The following ELMO1 variants were observed in gnomAD, a reference collection of about 807,000 sequenced individuals.
The protein encoded by ELMO1 is engulfment and cell motility protein 1.
ELMO1 carries 26 observed loss-of-function variants against 98.9 expected under a neutral mutation model. The ratio of observed to expected loss-of-function variants is 0.26; its 90% confidence interval spans 0.19 to 0.36. The LOEUF (loss-of-function observed/expected upper bound fraction) is 0.36. Ranked by LOEUF, ELMO1 falls within the 10% of genes least tolerant of loss-of-function variation. The pLI is 1.00. For missense variants in ELMO1, 627 were observed against 935.2 expected (o/e 0.67, Z 4.30); for synonymous variants, 346 against 346.0 (o/e 1.00, Z 0.00).
intron 7 of ELMO1, among the ~76,000 whole-genome samples, chr7:37,233,973 C>A (rs1794321410): frequency 6.6e-6 from 1 of 152,330 alleles, no homozygotes; most frequent in Non-Finnish European, 1.5e-5. Context: ...TGGGCAAATG[C>A]AGTTCCACCT....
intron 16 of ELMO1, among the ~76,000 whole-genome samples, chr7:36,925,820 C>T (rs1411380120): frequency 6.6e-6 from 1 of 152,202 alleles, no homozygotes; most frequent in African/African-American, 2.4e-5. Context: ...GTGAGGGCTG[C>T]CAGGCTGCAG....
chr7:37,407,840 A>AT (rs1450543200), intron 1 of ELMO1, among the ~76,000 whole-genome samples: 2 of 152,218 alleles, frequency 1.3e-5, no homozygotes, highest in Non-Finnish European at 2.9e-5. Flanking sequence ...ATAATAATGT[A>AT]TCAATATTGG....
At chr7:37,221,366 C>T (rs991243937) in intron 10 of ELMO1, among the ~76,000 whole-genome samples, 2 of 152,184 alleles carry the variant, frequency 1.3e-5, no homozygotes, top group African/African-American at 4.8e-5. Flanking sequence ...GTAGCAGGTT[C>T]GCTTTCTAAT....
intron 3 of ELMO1, among the ~76,000 whole-genome samples, chr7:37,315,196 T>TA (rs1799090386): frequency 6.6e-6 from 1 of 152,188 alleles, no homozygotes; most frequent in African/African-American, 2.4e-5. Flanking sequence ...GAGATTTAAA[T>TA]ACAAATCTTT....
chr7:37,218,980 T>C (rs1793445831), intron 10 of ELMO1, among the ~76,000 whole-genome samples: 1 of 152,242 alleles, frequency 6.6e-6, no homozygotes, highest in African/African-American at 2.4e-5. Context: ...CACCAACATA[T>C]TTGCCATTGA....
chr7:36,869,146 G>A (rs1467589983), intron 20 of ELMO1, among the ~76,000 whole-genome samples: 1 of 152,232 alleles, frequency 6.6e-6, no homozygotes, highest in Non-Finnish European at 1.5e-5. Context: ...TTGGTGCTGT[G>A]TAACAGATAG....
At chr7:37,101,348 G>C (rs1232556242) in intron 14 of ELMO1, among the ~76,000 whole-genome samples, 4 of 152,180 alleles carry the variant, frequency 2.6e-5, no homozygotes, top group Non-Finnish European at 5.9e-5. Flanking sequence ...AACTAAGTGA[G>C]TTACAGAGAA....
intron 4 of ELMO1, among the ~76,000 whole-genome samples, chr7:37,293,843 C>A (rs949119071): frequency 1.4e-5 from 2 of 146,548 alleles, no homozygotes; most frequent in South Asian, 2.1e-4. Context: ...CTGGGTTTCA[C>A]AATATAATTT....
chr7:36,957,302 C>T (rs1788540197), intron 16 of ELMO1, among the ~76,000 whole-genome samples: 3 of 132,388 alleles, frequency 2.3e-5, no homozygotes, highest in Admixed American at 2.1e-4. Context: ...GCTCTGCAGC[C>T]CCTACTGGAC....
At chr7:36,877,301 C>T (rs940812429) in intron 19 of ELMO1, among the ~76,000 whole-genome samples, 2 of 152,150 alleles carry the variant, frequency 1.3e-5, no homozygotes, top group African/African-American at 4.8e-5. Context: ...CTCATTTCTC[C>T]TCCAAATTAA....
At chr7:37,253,124 T>C (rs1451097569) in intron 6 of ELMO1, among the ~76,000 whole-genome samples, 3 of 152,318 alleles carry the variant, frequency 2.0e-5, no homozygotes, top group African/African-American at 7.2e-5. Context: ...TTTACACTGT[T>C]GGTGAGAGTG....
intron 16 of ELMO1, among the ~76,000 whole-genome samples, chr7:36,929,476 T>A (rs1197182035): frequency 6.6e-6 from 1 of 152,204 alleles, no homozygotes; most frequent in Non-Finnish European, 1.5e-5. Context: ...GATTGAAAAT[T>A]TCTCTAAGCT....
chr7:37,117,838 T>C (rs1317357054), intron 14 of ELMO1, among the ~76,000 whole-genome samples: 1 of 152,216 alleles, frequency 6.6e-6, no homozygotes, highest in Non-Finnish European at 1.5e-5. Context: ...GGGTCCTTGT[T>C]ATTCTAAACT....
intron 15 of ELMO1, among the ~76,000 whole-genome samples, chr7:37,017,043 C>T (rs1793982344): frequency 6.6e-6 from 1 of 152,174 alleles, no homozygotes; most frequent in Admixed American, 6.5e-5. Flanking sequence ...CCTATTAATG[C>T]TGATGTATAT....
chr7:37,165,237 C>T (rs1195610191), intron 13 of ELMO1, among the ~76,000 whole-genome samples: 3 of 152,162 alleles, frequency 2.0e-5, no homozygotes, highest in Admixed American at 6.5e-5. Context: ...AGATTTTGGG[C>T]TGAAACAATG....
chr7:36,920,788 T>C (rs2129074231), intron 16 of ELMO1, among the ~76,000 whole-genome samples: 1 of 152,256 alleles, frequency 6.6e-6, no homozygotes, highest in Non-Finnish European at 1.5e-5. Context: ...GCTTGAAAAG[T>C]CCTTCTTAAC....
intron 16 of ELMO1, among the ~76,000 whole-genome samples, chr7:36,978,993 GA>G (rs1256265077): frequency 6.6e-6 from 1 of 152,104 alleles, no homozygotes; most frequent in African/African-American, 2.4e-5. Flanking sequence ...TTATCCAGGA[GA>G]AAAAATACTA....
rs955176249 is a variant in ELMO1, at chr7:37,007,041, A to ATG, written c.1437+6257_1437+6258insCA. On this transcript the variant is annotated intron_variant, in intron 16 of 21. Transcript: ENST00000310758. ...ATGAACAGCTTAAACACAGACACAC[A>ATG]TATGAAACTCTTTGCTACCTATTCA... is the stretch of plus-strand genomic sequence containing the variant. Among the ~76,000 whole-genome samples the ATG allele has an allele frequency of 9.7e-4, 91 of 93,866 alleles. 1 individual carries two copies. Among genetic ancestry groups the ATG allele is most frequent in the African/African-American group, 4.4e-3 (86 of 19,696 alleles). The allele number at this position is 93,866 out of a possible 152,430, so 61.6% of individuals were successfully genotyped here.
At chr7:36,903,387 T>C (rs1379007584) in intron 16 of ELMO1, among the ~76,000 whole-genome samples, 1 of 152,210 alleles carries the variant, frequency 6.6e-6, no homozygotes, top group Admixed American at 6.5e-5. Flanking sequence ...TGTAATGACC[T>C]GTGCCCTCCT....
Sources: allele counts gnomAD v4.1 joint callset (sites outside exome capture counted in the v4.1 genomes callset), GRCh38; gene constraint gnomAD v4.1.1; transcripts MANE v1.5; gene names NCBI Gene and HGNC (gene_info 2026-07-23, HGNC 2026-07-21).